Variants in LDAH observed in about 807,000 individuals in gnomAD.
LDAH encodes the protein lipid droplet associated hydrolase, also known as lipid droplet-associated hydrolase.
A neutral mutation model predicts 29.6 loss-of-function variants in LDAH; 26 were observed. The observed-to-expected ratio is 0.88, with a 90% CI of 0.64 to 1.22. The LOEUF (loss-of-function observed/expected upper bound fraction) is 1.22. Among genes scored for constraint, LDAH ranks in the 50% most tolerant of loss-of-function variants. The probability of loss-of-function intolerance (pLI) is 0.00; values close to 1 mark genes in which losing one functional copy is unlikely to be tolerated. For missense variants in LDAH, 344 were observed against 387.3 expected, an observed-to-expected ratio of 0.89 and a Z score of 0.94; for synonymous variants, 117 against 133.0, an observed-to-expected ratio of 0.88 and a Z score of 0.83.
At chr2:20,781,348 T>G (rs1235647951) in intron 3 of LDAH, among the ~76,000 whole-genome samples, 2 of 152,196 alleles carry the variant, frequency 1.3e-5, no homozygotes, top group African/African-American at 4.8e-5. Context: ...TATTTCCAAC[T>G]GTTCATAATT....
At chr2:20,700,911 TG>T (rs761952318) in intron 6 of LDAH, among the ~76,000 whole-genome samples, 8 of 152,216 alleles carry the variant, frequency 5.3e-5, no homozygotes, top group Non-Finnish European at 1.0e-4. Flanking sequence ...TAACCACATG[TG>T]GCTAGTGGCT....
intron 1 of LDAH, among the ~76,000 whole-genome samples, chr2:20,815,011 T>C (rs559454120): frequency 6.6e-6 from 1 of 152,352 alleles, no homozygotes; most frequent in African/African-American, 2.4e-5. Context: ...TTAGTTCATA[T>C]ATACAAATAA....
intron 5 of LDAH, among the ~76,000 whole-genome samples, chr2:20,735,702 T>C (rs543384137): frequency 6.6e-6 from 1 of 152,202 alleles, no homozygotes. Flanking sequence ...TGGATCTTAC[T>C]TAAACTTTAT....
Position 20,724,646 on chromosome 2 carries a change from A to G in LDAH, c.703+15325T>C, listed in dbSNP as rs376727179. Among the ~76,000 whole-genome samples the G allele has an allele frequency of 1.5e-3, 228 of 152,378 alleles. 4 individuals are homozygous for G. In the South Asian group the frequency reaches 0.043, roughly 29 times the overall value. ...AAAGTGAGATGAATAACTGAAGGCCAGAGTACAAGTCTAACAGCCCCTGTT... is the reference window on the plus strand; with the variant it reads ...AAAGTGAGATGAATAACTGAAGGCCGGAGTACAAGTCTAACAGCCCCTGTT... On this transcript the variant is annotated intron_variant, in intron 5 of 6. Transcript: ENST00000237822.
chr2:20,819,621 A>G (rs751669278), intron 1 of LDAH, among the ~76,000 whole-genome samples: 1 of 152,232 alleles, frequency 6.6e-6, no homozygotes, highest in African/African-American at 2.4e-5. Flanking sequence ...TCCCAAAATA[A>G]TAAGAGCTAT....
chr2:20,819,957 T>G (rs1259429477), intron 1 of LDAH, among the ~76,000 whole-genome samples: 2 of 151,794 alleles, frequency 1.3e-5, no homozygotes, highest in Admixed American at 6.6e-5. Flanking sequence ...ACAAGCATTC[T>G]TATACACCAA....
At chr2:20,701,004 C>G (rs920092829) in intron 6 of LDAH, among the ~76,000 whole-genome samples, 1 of 152,156 alleles carries the variant, frequency 6.6e-6, no homozygotes, top group African/African-American at 2.4e-5. Flanking sequence ...CATCCAAATT[C>G]TAGGGTGACC....
chr2:20,759,635 C>T (rs1268617693), intron 4 of LDAH, among the ~76,000 whole-genome samples: 4 of 152,140 alleles, frequency 2.6e-5, no homozygotes, highest in Non-Finnish European at 1.5e-5. Flanking sequence ...CACAAACAGA[C>T]CTAGAAAGAA....
At chr2:20,726,657 T>A (rs1327271316) in intron 5 of LDAH, among the ~76,000 whole-genome samples, 1 of 148,592 alleles carries the variant, frequency 6.7e-6, no homozygotes, top group Non-Finnish European at 1.5e-5. Flanking sequence ...CCTAAAAAAA[T>A]AATTCTCCCA....
intron 5 of LDAH, among the ~76,000 whole-genome samples, chr2:20,710,962 C>CT (rs1469688516): frequency 6.6e-6 from 1 of 151,932 alleles, no homozygotes; most frequent in Non-Finnish European, 1.5e-5. Context: ...CCAGCCTAAC[C>CT]TATTCACATG....
chr2:20,712,376 C>T (rs1263769548), intron 5 of LDAH, among the ~76,000 whole-genome samples: 1 of 152,222 alleles, frequency 6.6e-6, no homozygotes, highest in Non-Finnish European at 1.5e-5. Context: ...AAAACCCCAT[C>T]TGTAGGTCAC....
chr2:20,749,779 A>G (rs916142439), intron 4 of LDAH, among the ~76,000 whole-genome samples: 6 of 152,214 alleles, frequency 3.9e-5, no homozygotes, highest in Non-Finnish European at 5.9e-5. Flanking sequence ...GCTGAAGTGT[A>G]TAAGTCCCCA....
In LDAH at chr2:20,748,065, T is replaced by C. The variant is rs972530996; in HGVS notation, c.469-7860A>G. ...TTATTGTTAGATATGGGCTAATCTT[T>C]ACAAGTGTCTCAAATCATTTAGCTC... On this transcript the variant is annotated intron_variant, in intron 4 of 6. Transcript: ENST00000237822. 3.3e-5 allele frequency among the ~76,000 whole-genome samples: 5 copies of C among 152,220 alleles called. No homozygotes were observed. In the South Asian group the frequency reaches 1.0e-3, roughly 31 times the overall value.
At chr2:20,817,500 A>T (rs1672929486) in intron 1 of LDAH, among the ~76,000 whole-genome samples, 1 of 152,112 alleles carries the variant, frequency 6.6e-6, no homozygotes, top group Non-Finnish European at 1.5e-5. Flanking sequence ...ATATTAGCAA[A>T]TAGAATATGG....
At chr2:20,816,370 C>T (rs1358144440) in intron 1 of LDAH, among the ~76,000 whole-genome samples, 2 of 151,872 alleles carry the variant, frequency 1.3e-5, no homozygotes, top group Non-Finnish European at 1.5e-5. Flanking sequence ...AAGCATATAG[C>T]GTCTATAAGA....
At chr2:20,707,615 A>C (rs1329503522) in intron 5 of LDAH, among the ~76,000 whole-genome samples, 1 of 152,222 alleles carries the variant, frequency 6.6e-6, no homozygotes, top group Non-Finnish European at 1.5e-5. Context: ...GGACCCCCTG[A>C]ATTTCAGCTA....
rs565380112 is a variant in LDAH at position 20,778,403 on chromosome 2, C to T, written c.299-3424G>A. Among the ~76,000 whole-genome samples, 69 of 152,146 alleles carry T rather than the reference C, an allele frequency of 4.5e-4. No homozygotes were observed. The South Asian group carries it at 8.5e-3, about 19-fold the overall frequency. ...ACTTCGCATTAACTTTTTGTCTAATCGTTCAAATTTGCTGCTCCAGTTATT... is the reference window on the plus strand; with the variant it reads ...ACTTCGCATTAACTTTTTGTCTAATTGTTCAAATTTGCTGCTCCAGTTATT... On this transcript the variant is annotated intron_variant, in intron 3 of 6. Transcript: ENST00000237822.
In LDAH at chr2:20,687,001, A is replaced by T; in HGVS notation, c.880T>A (p.Cys294Ser). The T allele has an allele frequency of 6.2e-7, 1 of 1,614,136 alleles. No individual in the cohort carries two copies. The highest frequency in any genetic ancestry group is 8.5e-7 in the Non-Finnish European group (1 of 1,179,962). ...AAAGCATGAGGTATGTTTTTCTCAC[A>T]GAGTCGAATGTCTCCTTCTGGAAAA... ...KDFPEGDIRL[C>S]EKNIPHAFIT... is the part of the protein sequence containing the mutation. Residue 294 changes from cysteine (C) to serine (S), a missense_variant, in exon 7 of 7, where the codon TGT (cysteine) becomes AGT (serine). Physicochemically the swap from Cys to Ser is moderately radical, Grantham distance 112. Transcript: ENST00000237822.
At chr2:20,744,088 C>T (rs1308590793) in intron 4 of LDAH, among the ~76,000 whole-genome samples, 1 of 152,002 alleles carries the variant, frequency 6.6e-6, no homozygotes, top group Admixed American at 6.6e-5. Context: ...CTTACATTGT[C>T]TACCTATTCT....
Sources: gnomAD v4.1 joint callset for allele counts (sites outside exome capture counted in the v4.1 genomes callset) on GRCh38, gnomAD v4.1.1 for gene constraint, MANE v1.5 for transcripts, NCBI Gene and HGNC (gene_info 2026-07-23, HGNC 2026-07-21) for gene names.